Variants in SACS observed in about 807,000 individuals in gnomAD.
SACS encodes the protein sacsin.
A neutral mutation model predicts 348.0 loss-of-function variants in SACS; 197 were observed. The ratio of observed to expected loss-of-function variants is 0.57; its 90% CI spans 0.50 to 0.64. The LOEUF is 0.64. Among genes scored for constraint, SACS ranks in the 30% least tolerant of loss-of-function variants. The pLI, the probability that SACS is intolerant of heterozygous loss-of-function variation, is 0.00. For missense variants in SACS, 4,999 were observed against 5,360.8 expected (o/e 0.93, Z 2.11); for synonymous variants, 1,985 against 1,910.6 (o/e 1.04, Z -1.02).
At chr13:23,428,954 G>A (rs1874306439) in intron 1 of SACS, 1 of 152,136 alleles carries the variant, frequency 6.6e-6, no homozygotes, top group Admixed American at 6.6e-5. Context: ...TTGTCAACTG[G>A]CAGAGCTAAT....
At position 23,355,569 on chromosome 13, in the gene SACS, G is replaced by T; in HGVS notation, c.1043C>A (p.Ser348Tyr). 6.2e-7 allele frequency: 1 copy of T among 1,614,070 alleles called. No homozygotes were observed. The highest frequency in any genetic ancestry group is 1.1e-5 in the South Asian group (1 of 91,074). The change falls in exon 8 of 10, where the codon TCT becomes TAT. Residue 348 changes from serine to tyrosine, a missense_variant. Coordinates refer to ENST00000382292, the MANE Select transcript of SACS (RefSeq NM_014363.6). ...SKALKHERPN[S>Y]IKILGTAISN... ...TATAGCAGTTCCCAGAATCTTTATAGAATTCGGCCGCTCATGTTTCAGTGC... is the reference window on the plus strand; with the variant it reads ...TATAGCAGTTCCCAGAATCTTTATATAATTCGGCCGCTCATGTTTCAGTGC...
At chr13:23,419,892 C>T (rs1206390563) in intron 1 of SACS, among the ~76,000 whole-genome samples, 1 of 152,086 alleles carries the variant, frequency 6.6e-6, no homozygotes, top group Non-Finnish European at 1.5e-5. Context: ...TGGTGTGTAC[C>T]CCTAGGGACG....
intron 3 of SACS, among the ~76,000 whole-genome samples, chr13:23,372,543 A>C (rs1593158712): frequency 6.6e-6 from 1 of 152,322 alleles, no homozygotes; most frequent in African/African-American, 2.4e-5. Context: ...GAAATAGGAA[A>C]TCAGTCCCCA....
At chr13:23,370,120 A>C (rs1351166456) in intron 4 of SACS, among the ~76,000 whole-genome samples, 1 of 152,142 alleles carries the variant, frequency 6.6e-6, no homozygotes, top group Admixed American at 6.5e-5. Context: ...GGCCTCCCAA[A>C]GTGCTGGGAT....
At chr13:23,392,415 C>A (rs1458168781) in intron 2 of SACS, among the ~76,000 whole-genome samples, 2 of 152,186 alleles carry the variant, frequency 1.3e-5, no homozygotes, top group Non-Finnish European at 2.9e-5. Context: ...TTTCCTAGAA[C>A]GCCTGTGAAA....
chr13:23,409,494 T>C (rs1427581540), intron 2 of SACS, among the ~76,000 whole-genome samples: 2 of 151,244 alleles, frequency 1.3e-5, no homozygotes, highest in African/African-American at 4.9e-5. Flanking sequence ...GTAGCTGGGA[T>C]TGCTCCACCA....
At chr13:23,371,712 A>G (rs1320693114) in intron 3 of SACS, among the ~76,000 whole-genome samples, 1 of 152,252 alleles carries the variant, frequency 6.6e-6, no homozygotes, top group African/African-American at 2.4e-5. Flanking sequence ...ATATATGCAC[A>G]TATATACAAA....
intron 9 of SACS, among the ~76,000 whole-genome samples, chr13:23,343,796 C>T (rs1481604172): frequency 1.3e-5 from 2 of 152,214 alleles, no homozygotes; most frequent in Non-Finnish European, 2.9e-5. Flanking sequence ...AAAGCATACC[C>T]TTTATTTCAG....
intron 1 of SACS, among the ~76,000 whole-genome samples, chr13:23,417,521 G>A (rs1289178535): frequency 2.0e-5 from 3 of 152,110 alleles, no homozygotes; most frequent in Admixed American, 2.0e-4. Context: ...AGGGTTTAGT[G>A]GGGGAAAGCT....
At chr13:23,368,280 A>G in intron 5 of SACS, 122 bp downstream of exon 5, 1 of 680,406 alleles carries the variant, frequency 1.5e-6, no homozygotes, top group Non-Finnish European at 2.6e-6. Context: ...CAGAGGTATA[A>G]TACAGCTATT....
chr13:23,411,196 C>A, intron 2 of SACS, 24 bp downstream of exon 2: 1 of 1,585,674 alleles, frequency 6.3e-7, no homozygotes, highest in Non-Finnish European at 8.7e-7. Flanking sequence ...AAATTATTGT[C>A]ATTTAAAACA....
intron 7 of SACS, among the ~76,000 whole-genome samples, chr13:23,356,836 GGTC>G (rs1870421666): frequency 6.6e-6 from 1 of 152,126 alleles, no homozygotes; most frequent in Non-Finnish European, 1.5e-5. Context: ...TAATACCTAC[GGTC>G]GTCAAGCACA....
intron 1 of SACS, among the ~76,000 whole-genome samples, chr13:23,425,144 C>G (rs1874117671): frequency 6.6e-6 from 1 of 151,870 alleles, no homozygotes; most frequent in African/African-American, 2.4e-5. Flanking sequence ...CTGGATGGTC[C>G]TCTGGGGTCA....
intron 9 of SACS, among the ~76,000 whole-genome samples, 200 bp from the exon 10 acceptor site, chr13:23,341,890 C>T (rs1394470852): frequency 1.3e-5 from 2 of 150,292 alleles, no homozygotes; most frequent in African/African-American, 4.9e-5. Context: ...GGGTTCACGC[C>T]ATTCTCCTGC....
intron 2 of SACS, chr13:23,375,660 GC>G: frequency 1.4e-6 from 1 of 731,374 alleles, no homozygotes; most frequent in South Asian, 6.2e-5. Flanking sequence ...CTCCCGCCAG[GC>G]CCCGCCCCCA....
chr13:23,412,667 C>T (rs1372280200), intron 1 of SACS, among the ~76,000 whole-genome samples: 1 of 152,094 alleles, frequency 6.6e-6, no homozygotes, highest in African/African-American at 2.4e-5. Flanking sequence ...CCCTGCCTCT[C>T]GAGCTCCCAA....
Position 23,337,717 on chromosome 13 carries a change from C to T in SACS, c.6159G>A (p.Glu2053=). 6.2e-7 allele frequency: 1 copy of T among 1,613,118 alleles called. No individual in the cohort carries two copies. Among genetic ancestry groups the T allele is most frequent in the South Asian group, 1.1e-5 (1 of 90,838 alleles). The change falls in exon 10 of 10, where the codon GAG becomes GAA. Residue 2053 remains glutamate (E), a synonymous_variant. Transcript: ENST00000382292. ...AAAACACTTCAGAAAAAAACTGTTT[C>T]TCTGAAAATGTGTTTTCAAGTAGTA... ...KQILLENTFS[E]KQFFSEVFFP...
chr13:23,387,463 GAA>G (rs60355580), intron 2 of SACS, among the ~76,000 whole-genome samples: 161 of 91,358 alleles, frequency 1.8e-3, no homozygotes, highest in African/African-American at 6.3e-3. Context: ...CTCCGTCTCA[GAA>G]AAAAAAAAAA....
chr13:23,355,307 T>A lies in SACS; in HGVS notation c.1305A>T (p.Gly435=). 6.2e-7 allele frequency: 1 copy of A among 1,614,118 alleles called. No homozygotes were observed. The highest frequency in any genetic ancestry group is 8.5e-7 in the Non-Finnish European group (1 of 1,180,042). The part of the protein sequence containing the change: ...PLSSRDDEAK[G]ATSDFSGKAF... ...CTTTTCCTGAGAAATCAGACGTTGCTCCTTTTGCTTCATCATCTCTGCTTG... is the reference window on the plus strand; with the variant it reads ...CTTTTCCTGAGAAATCAGACGTTGCACCTTTTGCTTCATCATCTCTGCTTG... The change falls in exon 8 of 10, where the codon GGA becomes GGT. Residue 435 remains glycine, a synonymous_variant. Transcript: ENST00000382292.
Sources: gnomAD v4.1 joint callset for allele counts (sites outside exome capture counted in the v4.1 genomes callset) on GRCh38, gnomAD v4.1.1 for gene constraint, MANE v1.5 for transcripts, NCBI Gene and HGNC (gene_info 2026-07-23, HGNC 2026-07-21) for gene names.